The following KIAA0753 variants were observed in gnomAD, a reference collection of about 807,000 sequenced individuals.
KIAA0753 encodes the protein KIAA0753, also known as protein moonraker.
KIAA0753 carries 114 observed loss-of-function variants against 116.9 expected under a neutral mutation model. The ratio of observed to expected loss-of-function variants is 0.98; its 90% CI spans 0.84 to 1.14. KIAA0753 has a LOEUF of 1.14. Among genes scored for constraint, KIAA0753 ranks in the 50% most tolerant of loss-of-function variants. The pLI is 0.00. For missense variants in KIAA0753, 1,156 were observed against 1,172.4 expected (o/e 0.99, Z 0.20); for synonymous variants, 405 against 413.1 (o/e 0.98, Z 0.24).
At chr17:6,633,371 G>A (rs1972119974) in intron 2 of KIAA0753, among the ~76,000 whole-genome samples, 1 of 152,122 alleles carries the variant, frequency 6.6e-6, no homozygotes, top group South Asian at 2.1e-4. Context: ...CACCAGAATG[G>A]CTAAAGAGAC....
Position 6,607,265 on chromosome 17 carries a change from G to C in KIAA0753, c.1835C>G (p.Ala612Gly), listed in dbSNP as rs924624969. Residue 612 changes from alanine to glycine, a missense_variant, in exon 11 of 19, where the codon GCT (alanine) becomes GGT (glycine). Transcript: ENST00000361413. ...TTTGGAAGTTTCAGCATCAAGCCAA[G>C]CGAGCCTAGCAGACAGTCAAAAGAG... ...GAVEHEAARL[A>G]WLDAETSKRL... The C allele has an allele frequency of 2.5e-6, 4 of 1,613,928 alleles. No homozygotes were observed. The highest frequency in any genetic ancestry group is 3.4e-6 in the Non-Finnish European group (4 of 1,179,930).
At chr17:6,614,334 A>G (rs1044650563) in intron 7 of KIAA0753, among the ~76,000 whole-genome samples, 2 of 152,204 alleles carry the variant, frequency 1.3e-5, no homozygotes, top group Non-Finnish European at 2.9e-5. Context: ...ATTTCACTTC[A>G]TCATTGTTTA....
intron 7 of KIAA0753, among the ~76,000 whole-genome samples, chr17:6,615,171 G>C (rs1970802842): frequency 6.6e-6 from 1 of 152,134 alleles, no homozygotes; most frequent in African/African-American, 2.4e-5. Flanking sequence ...CTGACCTCAG[G>C]TGATCCACCC....
At chr17:6,619,945 T>C (rs1971192351) in intron 7 of KIAA0753, among the ~76,000 whole-genome samples, 1 of 152,222 alleles carries the variant, frequency 6.6e-6, no homozygotes, top group African/African-American at 2.4e-5. Context: ...TTTACAATTT[T>C]AAAATGTTAC....
rs1479747236 is a variant in KIAA0753, at chr17:6,639,921, C to T, written c.-69+716G>A. The T allele has an allele frequency of 1.3e-5, 2 of 153,656 alleles. No homozygotes were observed. The highest frequency in any genetic ancestry group is 1.9e-4 in the East Asian group (1 of 5,198). The allele number at this position is 153,656 out of a possible 1,614,324, so 9.5% of individuals were successfully genotyped here. On this transcript the variant is annotated intron_variant, in intron 1 of 18. Transcript: ENST00000361413. The surrounding 1 kb of genome is among the most constrained non-coding windows in gnomAD (Gnocchi z 4.3). ...CCCCAGACCCGGTCACCCACACAGC[C>T]CCGGCAAGCCCCACCACCTCGGGCT...
In KIAA0753 at chr17:6,628,560, A is replaced by G. The variant is rs1483894318; in HGVS notation, c.275T>C (p.Ile92Thr). ...AGCATAGCTAAGTCTCTCTTGGGAT[A>G]TGACGGAAAATGAAACAGAACTGCC... ...DLGSSVSFSVISQERLSYAVH... is the reference protein window; with the variant it reads ...DLGSSVSFSVTSQERLSYAVH... The change falls in exon 3 of 19, where the codon ATA becomes ACA. Residue 92 changes from isoleucine (I) to threonine (T), a missense_variant. Physicochemically the swap from Ile to Thr is moderately conservative, Grantham distance 89. Coordinates refer to ENST00000361413, the MANE Select transcript of KIAA0753 (RefSeq NM_014804.3). The G allele has an allele frequency of 2.5e-6, 4 of 1,614,080 alleles. No homozygotes were observed. Among genetic ancestry groups the G allele is most frequent in the Non-Finnish European group, 3.4e-6 (4 of 1,180,028 alleles).
intron 7 of KIAA0753, among the ~76,000 whole-genome samples, chr17:6,619,085 T>C (rs934406925): frequency 2.6e-5 from 4 of 151,928 alleles, no homozygotes; most frequent in African/African-American, 9.7e-5. Flanking sequence ...AAAAATTAGC[T>C]GGGCGTGGTG....
chr17:6,619,021 G>C (rs1408580123), intron 7 of KIAA0753, among the ~76,000 whole-genome samples: 6 of 152,124 alleles, frequency 3.9e-5, no homozygotes, highest in Non-Finnish European at 1.5e-5. Flanking sequence ...TTGAGGTCAG[G>C]AGTTCAAGAC....
At chr17:6,589,737 G>T in intron 18 of KIAA0753, 42 bp downstream of exon 18, 1 of 1,495,362 alleles carries the variant, frequency 6.7e-7, no homozygotes, top group Non-Finnish European at 9.1e-7. Flanking sequence ...CTAAAATTTT[G>T]CAATTTGGTT....
chr17:6,579,785 C>T lies in KIAA0753; in HGVS notation c.2866G>A (p.Ala956Thr). ...LQDMCEDYAE[A>T]VFTSEFLEAA... ...TCTAAGAATTCTGAGGTGAACACAG[C>T]TTCTGCATAATCTTCGCACATATCC... Residue 956 changes from alanine to threonine, a missense_variant, in exon 19 of 19, where the codon GCT (alanine) becomes ACT (threonine). Transcript: ENST00000361413. 6.2e-7 allele frequency: 1 copy of T among 1,613,902 alleles called. No homozygotes were observed. Among genetic ancestry groups the T allele is most frequent in the Non-Finnish European group, 8.5e-7 (1 of 1,179,986 alleles).
intron 2 of KIAA0753, among the ~76,000 whole-genome samples, chr17:6,630,954 G>C (rs555766245): frequency 6.6e-6 from 1 of 152,304 alleles, no homozygotes; most frequent in East Asian, 1.9e-4. Context: ...AATGAGATTA[G>C]TTATCTACAG....
intron 7 of KIAA0753, among the ~76,000 whole-genome samples, chr17:6,616,270 A>G (rs1970924105): frequency 6.6e-6 from 1 of 152,178 alleles, no homozygotes; most frequent in African/African-American, 2.4e-5. Flanking sequence ...GTTCCCCATA[A>G]ATACATTTTC....
chr17:6,601,431 A>C (rs764774912), intron 12 of KIAA0753, among the ~76,000 whole-genome samples: 1 of 152,074 alleles, frequency 6.6e-6, no homozygotes, highest in African/African-American at 2.4e-5. Context: ...CTCTTCCCCA[A>C]CTCAGCTCCT....
chr17:6,585,995 ACTG>A (rs1288371428), intron 18 of KIAA0753, among the ~76,000 whole-genome samples: 21 of 152,128 alleles, frequency 1.4e-4, no homozygotes, highest in African/African-American at 5.1e-4. Context: ...TGTAATCCCC[ACTG>A]CTGGAGGTGG....
rs976533766 is a variant in KIAA0753 at position 6,622,786 on chromosome 17, C to T, written c.1104+96G>A. 6 of 1,055,608 alleles carry T rather than the reference C, an allele frequency of 5.7e-6. No individual in the cohort carries two copies. In the African/African-American group the frequency reaches 6.3e-5, roughly 11 times the overall value. 65.4% of individuals were successfully genotyped at this position (1,055,608 alleles called of 1,614,324 possible). A position where few individuals can be genotyped will look rare whatever the true frequency, so the allele number is the denominator to read the frequency against. ...AAAGCTTTAATTCACTAGGTAATGG[C>T]TTTGTCTTGTATTCTCCATAAATCC... On this transcript the variant is annotated intron_variant, in intron 6 of 18. Coordinates refer to ENST00000361413, the MANE Select transcript of KIAA0753 (RefSeq NM_014804.3).
chr17:6,630,308 A>G (rs933632380), intron 2 of KIAA0753, among the ~76,000 whole-genome samples: 3 of 152,070 alleles, frequency 2.0e-5, no homozygotes, highest in African/African-American at 2.4e-5. Flanking sequence ...GATTAGCAAA[A>G]ATTTAAAAGT....
At chr17:6,613,705 T>C (rs1370024046) in intron 7 of KIAA0753, among the ~76,000 whole-genome samples, 1 of 152,128 alleles carries the variant, frequency 6.6e-6, no homozygotes. Context: ...ACAGAATCCT[T>C]GCCTCACATT....
At position 6,608,780 on chromosome 17, in the gene KIAA0753, T is replaced by C. The variant is rs902910276; in HGVS notation, c.1713-316A>G. Among the ~76,000 whole-genome samples, 4 of 152,200 alleles carry C rather than the reference T, an allele frequency of 2.6e-5. No homozygotes were observed. The East Asian group carries it at 5.8e-4, about 22-fold the overall frequency. Reference sequence around the variant, plus strand: ...ACATAGATTTGGATCACTAATTACATTCCATATTATAAGGCAACTCCGTAT... The same window carrying C: ...ACATAGATTTGGATCACTAATTACACTCCATATTATAAGGCAACTCCGTAT... On this transcript the variant is annotated intron_variant, in intron 9 of 18. Transcript: ENST00000361413.
intron 7 of KIAA0753, among the ~76,000 whole-genome samples, chr17:6,617,365 C>T (rs1421566401): frequency 6.6e-6 from 1 of 152,146 alleles, no homozygotes; most frequent in East Asian, 1.9e-4. Flanking sequence ...TTCTACCTGC[C>T]TACCAATGAA....
Sources: gnomAD v4.1 joint callset for allele counts (sites outside exome capture counted in the v4.1 genomes callset) on GRCh38, gnomAD v4.1.1 for gene constraint, Gnocchi (gnomAD v3.1) non-coding constraint, MANE v1.5 for transcripts, NCBI Gene and HGNC (gene_info 2026-07-23, HGNC 2026-07-21) for gene names.